The following PRTFDC1 variants were observed in gnomAD, a reference collection of about 807,000 sequenced individuals.
The protein encoded by PRTFDC1 is phosphoribosyl transferase domain containing 1, also known as phosphoribosyltransferase domain-containing protein 1.
PRTFDC1 carries 38 observed loss-of-function variants against 34.6 expected under a neutral mutation model. That is an observed-to-expected ratio of 1.10 (90% confidence interval 0.85 to 1.44). The LOEUF (loss-of-function observed/expected upper bound fraction) is 1.44, where lower values mean the gene tolerates loss of function less well. PRTFDC1 is among the 40% of genes most tolerant of loss of function. The pLI, the probability that PRTFDC1 is intolerant of heterozygous loss-of-function variation, is 0.00. For synonymous variants in PRTFDC1, 93 were observed against 98.1 expected, an observed-to-expected ratio of 0.95 and a Z score of 0.31; for missense variants, 270 against 283.0, an observed-to-expected ratio of 0.95 and a Z score of 0.33.
In PRTFDC1 at chr10:24,894,049, T is replaced by C. The variant is rs553914723; in HGVS notation, c.340-21986A>G. Among the ~76,000 whole-genome samples the C allele has an allele frequency of 1.7e-4, 26 of 152,130 alleles. No individual in the cohort carries two copies. The South Asian group carries it at 2.5e-3, about 15-fold the overall frequency. Reference sequence around the variant, plus strand: ...AAGGAAGTGTGAAAATAGGACTTCATTGGCCGGGCGCGGTGGCTCACGCCT... The same window carrying C: ...AAGGAAGTGTGAAAATAGGACTTCACTGGCCGGGCGCGGTGGCTCACGCCT... On this transcript the variant is annotated intron_variant, in intron 3 of 8. Transcript: ENST00000320152.
intron 3 of PRTFDC1, among the ~76,000 whole-genome samples, chr10:24,883,224 T>G (rs892682627): frequency 6.6e-6 from 1 of 151,838 alleles, no homozygotes; most frequent in Non-Finnish European, 1.5e-5. Flanking sequence ...TTGGTGTGCT[T>G]AACTCTCCAA....
chr10:24,873,204 G>A (rs953133152), intron 3 of PRTFDC1, among the ~76,000 whole-genome samples: 9 of 151,822 alleles, frequency 5.9e-5, no homozygotes, highest in Non-Finnish European at 1.3e-4. Context: ...GTTTATGTAT[G>A]GTATATTATC....
Position 24,880,815 on chromosome 10 carries a change from C to CTTTCTTTCTTTCTTTCTTTCT in PRTFDC1, c.340-8773_340-8753dup, listed in dbSNP as rs1588587831. On this transcript the variant is annotated intron_variant, in intron 3 of 8. Transcript: ENST00000320152. ...CATCATTCCACTTTACTGTCTTTCT[C>CTTTCTTTCTTTCTTTCTTTCT]TTTCTTTCTTTCTTTCTTTCTTTCT... Among the ~76,000 whole-genome samples, 332 of 54,656 alleles carry CTTTCTTTCTTTCTTTCTTTCT rather than the reference C, an allele frequency of 6.1e-3. 4 individuals are homozygous for CTTTCTTTCTTTCTTTCTTTCT. The highest frequency in any genetic ancestry group is 0.026 in the East Asian group (74 of 2,794). The allele number at this position is 54,656 out of a possible 152,430, so 35.9% of individuals were successfully genotyped here.
intron 1 of PRTFDC1, 120 bp from the exon 2 acceptor site, chr10:24,942,556 G>A (rs1849179812): frequency 1.3e-6 from 1 of 793,518 alleles, no homozygotes; most frequent in South Asian, 1.6e-5. Context: ...AGTGGAACAA[G>A]GTTATTTGTT....
chr10:24,920,760 A>G (rs1848776581), intron 3 of PRTFDC1, among the ~76,000 whole-genome samples: 1 of 152,206 alleles, frequency 6.6e-6, no homozygotes, highest in Non-Finnish European at 1.5e-5. Flanking sequence ...GAGTAGTCTA[A>G]CAGTACTGCT....
chr10:24,894,414 T>C (rs776783741), intron 3 of PRTFDC1, among the ~76,000 whole-genome samples: 2 of 151,930 alleles, frequency 1.3e-5, no homozygotes, highest in Non-Finnish European at 2.9e-5. Context: ...GCATGAGCTG[T>C]GAGTCATGCT....
intron 3 of PRTFDC1, among the ~76,000 whole-genome samples, chr10:24,920,412 G>A (rs758274481): frequency 2.0e-5 from 3 of 152,086 alleles, no homozygotes; most frequent in Non-Finnish European, 2.9e-5. Context: ...AGCCATTATA[G>A]TCAGCAAACT....
chr10:24,925,539 T>C (rs1848857946), intron 3 of PRTFDC1, among the ~76,000 whole-genome samples: 1 of 152,184 alleles, frequency 6.6e-6, no homozygotes, highest in Non-Finnish European at 1.5e-5. Context: ...ATTAGCAGCA[T>C]GAGAACAGAT....
chr10:24,862,901 A>T (rs751931046), intron 4 of PRTFDC1, among the ~76,000 whole-genome samples: 2 of 151,446 alleles, frequency 1.3e-5, no homozygotes, highest in Admixed American at 1.3e-4. Flanking sequence ...CTTTTGAGAC[A>T]GAGTCTTGCT....
intron 3 of PRTFDC1, among the ~76,000 whole-genome samples, chr10:24,892,313 G>C (rs1458023423): frequency 6.6e-6 from 1 of 152,040 alleles, no homozygotes; most frequent in Non-Finnish European, 1.5e-5. Flanking sequence ...AATTTTTTGA[G>C]GAACCCCCAT....
chr10:24,849,976 A>G, intron 8 of PRTFDC1, 85 bp from the exon 9 acceptor site: 1 of 1,255,344 alleles, frequency 8.0e-7, no homozygotes, highest in African/African-American at 1.5e-5. Context: ...ACCGAATGCC[A>G]TCCTGTAATT....
Position 24,857,159 on chromosome 10 carries a change from C to T in PRTFDC1, c.424-164G>A, listed in dbSNP as rs41307555. 3.6e-3 allele frequency: 2,354 copies of T among 655,528 alleles called. 12 individuals are homozygous for T. The highest frequency in any genetic ancestry group is 4.7e-3 in the Non-Finnish European group (1,755 of 372,372). The allele number at this position is 655,528 out of a possible 1,614,324, so 40.6% of individuals were successfully genotyped here. A position where few individuals can be genotyped will look rare whatever the true frequency, so the allele number is the denominator to read the frequency against. On this transcript the variant is annotated intron_variant, in intron 5 of 8. Transcript: ENST00000320152. ...GTTGGTTATGTTTTATTTAGACAGG[C>T]GCTTCTTTCTGGAAGCTGAGTTTTG... is the stretch of plus-strand genomic sequence containing the variant.
At chr10:24,869,202 T>C (rs1847837104) in intron 4 of PRTFDC1, among the ~76,000 whole-genome samples, 1 of 152,020 alleles carries the variant, frequency 6.6e-6, no homozygotes, top group Admixed American at 6.6e-5. Context: ...GCGTGGGTCA[T>C]ATGAAGGCCT....
At chr10:24,930,278 T>A (rs1477890514) in intron 3 of PRTFDC1, among the ~76,000 whole-genome samples, 1 of 152,112 alleles carries the variant, frequency 6.6e-6, no homozygotes, top group African/African-American at 2.4e-5. Flanking sequence ...AGAGTGAAAG[T>A]TCATGTCTTG....
At chr10:24,896,665 T>C (rs1752827501) in intron 3 of PRTFDC1, among the ~76,000 whole-genome samples, 1 of 152,228 alleles carries the variant, frequency 6.6e-6, no homozygotes, top group South Asian at 2.1e-4. Context: ...CGGTCTGTTG[T>C]GAGGAGCACT....
chr10:24,904,071 T>G (rs1323607135), intron 3 of PRTFDC1, among the ~76,000 whole-genome samples: 1 of 152,132 alleles, frequency 6.6e-6, no homozygotes, highest in Non-Finnish European at 1.5e-5. Flanking sequence ...CTTGTTCTAT[T>G]CTTTCTAAAC....
At chr10:24,951,245 C>G (rs899238492) in intron 1 of PRTFDC1, among the ~76,000 whole-genome samples, 6 of 152,112 alleles carry the variant, frequency 3.9e-5, no homozygotes, top group Non-Finnish European at 7.3e-5. Flanking sequence ...TCCAATTACC[C>G]TCTATCCTGT....
chr10:24,929,887 T>A (rs952718568), intron 3 of PRTFDC1, among the ~76,000 whole-genome samples: 8 of 152,146 alleles, frequency 5.3e-5, no homozygotes, highest in African/African-American at 1.9e-4. Flanking sequence ...GGCCTCCCAC[T>A]TCCACCCTGA....
At chr10:24,865,843 T>C (rs969929171) in intron 4 of PRTFDC1, among the ~76,000 whole-genome samples, 4 of 152,182 alleles carry the variant, frequency 2.6e-5, no homozygotes, top group Non-Finnish European at 5.9e-5. Flanking sequence ...ATTGGGGATA[T>C]GGAGAATGAG....
Sources: gnomAD v4.1 joint callset for allele counts (sites outside exome capture counted in the v4.1 genomes callset) on GRCh38, gnomAD v4.1.1 for gene constraint, MANE v1.5 for transcripts, NCBI Gene and HGNC (gene_info 2026-07-23, HGNC 2026-07-21) for gene names.